Variants in GALNT14 observed in about 807,000 individuals in gnomAD.
GALNT14 encodes the protein polypeptide N-acetylgalactosaminyltransferase 14.
Under a neutral mutation model 77.5 loss-of-function variants are expected in GALNT14, and 60 were observed. The ratio of observed to expected loss-of-function variants is 0.77; its 90% CI spans 0.63 to 0.96. The LOEUF is 0.96. GALNT14 is among the 40% of genes least tolerant of loss of function. The pLI, the probability that GALNT14 is intolerant of heterozygous loss-of-function variation, is 0.00. For synonymous variants in GALNT14, 280 were observed against 281.7 expected (o/e 0.99, Z 0.06); for missense variants, 710 against 731.0 (o/e 0.97, Z 0.33).
intron 1 of GALNT14, among the ~76,000 whole-genome samples, chr2:31,105,274 A>G (rs1558572197): frequency 6.6e-6 from 1 of 152,158 alleles, no homozygotes; most frequent in South Asian, 2.1e-4. Context: ...TGGTCAGTGG[A>G]AAGTCCTTCA....
At chr2:30,892,321 C>T in the GALNT14 span, among the ~76,000 whole-genome samples, 6 of 151,988 alleles carry the variant, frequency 3.9e-5, no homozygotes, top group African/African-American at 1.2e-4. Flanking sequence ...TCCAAAAACA[C>T]GGGATGTAGG....
intron 1 of GALNT14, among the ~76,000 whole-genome samples, chr2:31,123,634 T>G (rs1678533870): frequency 6.6e-6 from 1 of 152,198 alleles, no homozygotes; most frequent in Non-Finnish European, 1.5e-5. Flanking sequence ...AGCAGCCCTG[T>G]GGAATAACAG....
At chr2:31,092,439 A>C (rs537085975) in intron 1 of GALNT14, among the ~76,000 whole-genome samples, 1 of 152,268 alleles carries the variant, frequency 6.6e-6, no homozygotes, top group East Asian at 1.9e-4. Flanking sequence ...GTTCATTATA[A>C]TAATTTTGTG....
the GALNT14 span, among the ~76,000 whole-genome samples, chr2:30,899,209 C>A: frequency 6.6e-6 from 1 of 152,224 alleles, no homozygotes; most frequent in Non-Finnish European, 1.5e-5. Context: ...CATTTTCCTT[C>A]CTTCATCCCA....
intron 13 of GALNT14, among the ~76,000 whole-genome samples, chr2:30,923,904 T>C (rs1665190035): frequency 6.6e-6 from 1 of 152,214 alleles, no homozygotes; most frequent in Admixed American, 6.5e-5. Flanking sequence ...TGCTGCCTAT[T>C]AAACTGTCTT....
At chr2:31,040,769 G>A (rs1048786229) in intron 1 of GALNT14, among the ~76,000 whole-genome samples, 1 of 152,180 alleles carries the variant, frequency 6.6e-6, no homozygotes, top group South Asian at 2.1e-4. Context: ...CCCTGCAGGT[G>A]GAAGCTTGGC....
chr2:30,994,021 T>C lies in GALNT14; in HGVS notation c.130-1014A>G, dbSNP rs185031586. On this transcript the variant is annotated intron_variant, in intron 1 of 14. Coordinates refer to ENST00000349752, the MANE Select transcript of GALNT14 (RefSeq NM_024572.4). ...AATTTGGTGGTCACTTCCCAATGCA[T>C]GTTAGCACTCTCACCCCTGGGGAGG... is the stretch of plus-strand genomic sequence containing the variant. Among the ~76,000 whole-genome samples, 71 of 152,326 alleles carry C rather than the reference T, an allele frequency of 4.7e-4. 1 individual carries two copies. In the East Asian group the frequency reaches 0.01, roughly 22 times the overall value.
chr2:30,958,512 A>G, intron 3 of GALNT14, 48 bp from the exon 4 acceptor site: 3 of 1,458,144 alleles, frequency 2.1e-6, no homozygotes, highest in Non-Finnish European at 2.9e-6. Flanking sequence ...TAGTGGCAAA[A>G]TATATGTACT....
chr2:31,048,346 T>C (rs2148513625), intron 1 of GALNT14, among the ~76,000 whole-genome samples: 1 of 152,274 alleles, frequency 6.6e-6, no homozygotes, highest in Admixed American at 6.5e-5. Context: ...GACACAGAAA[T>C]GCCTAAATGT....
intron 2 of GALNT14, 69 bp downstream of exon 2, chr2:30,992,768 GC>G: frequency 6.5e-7 from 1 of 1,533,730 alleles, no homozygotes; most frequent in Non-Finnish European, 8.9e-7. Context: ...CATACAGCAG[GC>G]CCCAGATCAA....
intron 1 of GALNT14, among the ~76,000 whole-genome samples, chr2:31,094,411 C>T (rs573118121): frequency 2.6e-5 from 4 of 152,220 alleles, no homozygotes; most frequent in Admixed American, 6.5e-5. Context: ...TTATTGCTCA[C>T]GCAAAGCCTG....
At chr2:31,062,255 T>G (rs2148543645) in intron 1 of GALNT14, among the ~76,000 whole-genome samples, 1 of 152,232 alleles carries the variant, frequency 6.6e-6, no homozygotes, top group African/African-American at 2.4e-5. Flanking sequence ...GATGTTCCCC[T>G]CCCTGTGTCC....
At chr2:30,994,529 G>T (rs1420565490) in intron 1 of GALNT14, among the ~76,000 whole-genome samples, 2 of 152,218 alleles carry the variant, frequency 1.3e-5, no homozygotes, top group African/African-American at 4.8e-5. Context: ...AAGCTTTGGA[G>T]ACCAGAGATT....
intron 1 of GALNT14, among the ~76,000 whole-genome samples, chr2:31,085,657 A>C (rs1676392270): frequency 6.6e-6 from 1 of 152,172 alleles, no homozygotes; most frequent in Admixed American, 6.5e-5. Flanking sequence ...GGGGCTCATG[A>C]GAAGTCTCTT....
At chr2:31,031,364 T>G (rs1184116926) in intron 1 of GALNT14, among the ~76,000 whole-genome samples, 1 of 152,158 alleles carries the variant, frequency 6.6e-6, no homozygotes, top group African/African-American at 2.4e-5. Context: ...ACATTTCAGC[T>G]CTGAGATTAC....
intron 13 of GALNT14, among the ~76,000 whole-genome samples, chr2:30,918,830 G>T (rs1366844494): frequency 7.0e-6 from 1 of 143,460 alleles, no homozygotes; most frequent in East Asian, 2.2e-4. Flanking sequence ...TGGGAGGGTG[G>T]CATCGGGCAG....
intron 1 of GALNT14, among the ~76,000 whole-genome samples, chr2:31,046,666 C>T (rs1015414843): frequency 3.3e-5 from 5 of 152,116 alleles, no homozygotes; most frequent in Non-Finnish European, 7.4e-5. Flanking sequence ...AACTACCTGG[C>T]TTTTGAACAA....
chr2:30,934,557 A>G (rs978032659), intron 9 of GALNT14, among the ~76,000 whole-genome samples: 2 of 151,998 alleles, frequency 1.3e-5, no homozygotes, highest in Admixed American at 1.3e-4. Flanking sequence ...CCCATGCCCC[A>G]CCACCGTTCT....
chr2:30,993,049 T>C (rs370405446), intron 1 of GALNT14, 42 bp from the exon 2 acceptor site: 745 of 1,601,694 alleles, frequency 4.7e-4, no homozygotes, highest in Non-Finnish European at 5.7e-4. Context: ...CGGCTCCCTG[T>C]CCTCCACTAG....
Sources: gnomAD v4.1 joint callset for allele counts (sites outside exome capture counted in the v4.1 genomes callset) on GRCh38, gnomAD v4.1.1 for gene constraint, MANE v1.5 for transcripts, NCBI Gene and HGNC (gene_info 2026-07-23, HGNC 2026-07-21) for gene names.